Variants in APPBP2 observed in about 807,000 individuals in gnomAD.
APPBP2 encodes amyloid protein-binding protein 2.
Under a neutral mutation model 76.0 loss-of-function variants are expected in APPBP2, and 15 were observed. The ratio of observed to expected loss-of-function variants is 0.20; its 90% CI spans 0.13 to 0.30. The LOEUF (loss-of-function observed/expected upper bound fraction) is 0.30, where lower values mean the gene tolerates loss of function less well. APPBP2 is among the 10% of genes least tolerant of loss of function. The pLI is 1.00. For synonymous variants in APPBP2, 222 were observed against 242.2 expected, an observed-to-expected ratio of 0.92 and a Z score of 0.77; for missense variants, 401 against 687.2, an observed-to-expected ratio of 0.58 and a Z score of 4.66.
chr17:60,457,958 T>C (rs2090443657), intron 9 of APPBP2, among the ~76,000 whole-genome samples: 1 of 151,924 alleles, frequency 6.6e-6, no homozygotes, highest in Non-Finnish European at 1.5e-5. Context: ...CAGTCTCCAT[T>C]TCCCTCCAAC....
At chr17:60,502,041 TTTG>T (rs1305830870) in intron 1 of APPBP2, among the ~76,000 whole-genome samples, 5 of 152,228 alleles carry the variant, frequency 3.3e-5, no homozygotes, top group African/African-American at 7.2e-5. Flanking sequence ...GCAAGAAAGA[TTTG>T]TTATTTTTAT....
chr17:60,490,143 T>C (rs2090715191), intron 3 of APPBP2, among the ~76,000 whole-genome samples: 1 of 152,202 alleles, frequency 6.6e-6, no homozygotes, highest in South Asian at 2.1e-4. Flanking sequence ...TGTACGACTC[T>C]ACATGGAATC....
intron 3 of APPBP2, among the ~76,000 whole-genome samples, chr17:60,493,109 G>A (rs1357149122): frequency 2.0e-5 from 3 of 152,070 alleles, no homozygotes; most frequent in Admixed American, 6.6e-5. Flanking sequence ...TCTCATTCTC[G>A]TCTGCCACCA....
At chr17:60,450,782 AAAG>A (rs2090388713) in intron 12 of APPBP2, among the ~76,000 whole-genome samples, 4 of 147,886 alleles carry the variant, frequency 2.7e-5, no homozygotes, top group African/African-American at 8.0e-5. Context: ...AAAAAAAAAA[AAAG>A]AAAGAAAAAA....
intron 3 of APPBP2, among the ~76,000 whole-genome samples, chr17:60,489,526 A>C (rs2090708661): frequency 6.8e-6 from 1 of 147,210 alleles, no homozygotes; most frequent in Non-Finnish European, 1.5e-5. Context: ...CAGCAGAATC[A>C]CTTCAACCCA....
At chr17:60,519,787 T>TC (rs202128939) in intron 1 of APPBP2, among the ~76,000 whole-genome samples, 2,149 of 147,814 alleles carry the variant, frequency 0.015, 52 homozygotes, top group African/African-American at 0.05. Flanking sequence ...AATTTTTTTT[T>TC]TTTTTTTTTT....
chr17:60,520,478 C>T (rs770414114), intron 1 of APPBP2, among the ~76,000 whole-genome samples: 6 of 150,142 alleles, frequency 4.0e-5, no homozygotes, highest in East Asian at 2.0e-4. Flanking sequence ...GAGGCTGAGG[C>T]GGGAGAATCA....
At chr17:60,506,331 A>G (rs1181268515) in intron 1 of APPBP2, among the ~76,000 whole-genome samples, 4 of 151,976 alleles carry the variant, frequency 2.6e-5, no homozygotes, top group Non-Finnish European at 1.5e-5. Context: ...ATCGTTTACT[A>G]TTGTTTCTCC....
At chr17:60,477,579 G>C (rs1265465734) in intron 4 of APPBP2, 1 of 151,824 alleles carries the variant, frequency 6.6e-6, no homozygotes, top group Admixed American at 6.6e-5. Context: ...TAAATTATAG[G>C]GCTAAATACT....
intron 12 of APPBP2, among the ~76,000 whole-genome samples, chr17:60,450,508 C>T (rs1240014514): frequency 1.3e-5 from 2 of 151,096 alleles, no homozygotes; most frequent in Admixed American, 6.6e-5. Context: ...GTGGCTCATG[C>T]CTATAATCCC....
At chr17:60,510,869 A>G (rs916201485) in intron 1 of APPBP2, among the ~76,000 whole-genome samples, 1 of 152,132 alleles carries the variant, frequency 6.6e-6, no homozygotes, top group Admixed American at 6.6e-5. Context: ...TAAAAGGGCA[A>G]CCCTTTACTA....
In APPBP2 at chr17:60,526,098, G is replaced by A. The variant is rs988687142; in HGVS notation, c.-167C>T. ...CCTGCCTCCTCCGGGGGCAAACTGA[G>A]GGACGGCGGCAGCGGACGCAGGCCC... On this transcript the variant is annotated 5_prime_UTR_variant, in exon 1 of 13. Transcript: ENST00000083182. The A allele has an allele frequency of 4.3e-5, 28 of 645,176 alleles. No homozygotes were observed. The highest frequency in any genetic ancestry group is 6.6e-5 in the Non-Finnish European group (25 of 377,514). 40.0% of individuals were successfully genotyped at this position (645,176 alleles called of 1,614,324 possible).
chr17:60,466,507 G>A (rs1384355701), intron 4 of APPBP2, 48 bp from the exon 5 acceptor site: 1 of 1,564,308 alleles, frequency 6.4e-7, no homozygotes, highest in Admixed American at 1.7e-5. Context: ...TTTCAGCTTG[G>A]TAGACCTGAT....
rs764869072 is a variant in APPBP2, at chr17:60,500,528, ATTC to A, written c.139-44_139-42del. 2.9e-5 allele frequency: 40 copies of A among 1,391,698 alleles called. No individual in the cohort carries two copies. In the Middle Eastern group the frequency reaches 9.0e-4, roughly 31 times the overall value. 86.2% of individuals were successfully genotyped at this position (1,391,698 alleles called of 1,614,324 possible). A position where few individuals can be genotyped will look rare whatever the true frequency, so the allele number is the denominator to read the frequency against. On this transcript the variant is annotated intron_variant, in intron 1 of 12. Transcript: ENST00000083182. ...AATGATTTAAAAATTTTGCAATTTA[ATTC>A]TTCTTTTTACTTTAATCATATTTGA...
intron 1 of APPBP2, among the ~76,000 whole-genome samples, chr17:60,512,475 T>C (rs1041932721): frequency 6.6e-6 from 1 of 152,132 alleles, no homozygotes; most frequent in Non-Finnish European, 1.5e-5. Context: ...ATTATCTTAC[T>C]GCTATAGTTT....
At chr17:60,466,531 TC>T (rs2090512996) in intron 4 of APPBP2, 72 bp from the exon 5 acceptor site, 3 of 1,408,232 alleles carry the variant, frequency 2.1e-6, no homozygotes, top group African/African-American at 1.4e-5. Context: ...CTCTTACCAA[TC>T]ACCTGAATGA....
chr17:60,519,875 C>G (rs1443805653), intron 1 of APPBP2, among the ~76,000 whole-genome samples: 1 of 150,518 alleles, frequency 6.6e-6, no homozygotes, highest in Non-Finnish European at 1.5e-5. Context: ...CCTCAGCCTC[C>G]TGGGCTCAAG....
At chr17:60,506,392 G>A (rs2090868394) in intron 1 of APPBP2, among the ~76,000 whole-genome samples, 1 of 152,064 alleles carries the variant, frequency 6.6e-6, no homozygotes, top group Non-Finnish European at 1.5e-5. Context: ...CATAACTTTT[G>A]CACACATATG....
intron 1 of APPBP2, 94 bp downstream of exon 1, chr17:60,525,700 G>GT: frequency 6.4e-7 from 1 of 1,571,690 alleles, no homozygotes; most frequent in Non-Finnish European, 8.6e-7. Context: ...GCCGGAAGGG[G>GT]TGAGGGGTTA....
Sources: gnomAD v4.1 joint callset for allele counts (sites outside exome capture counted in the v4.1 genomes callset) on GRCh38, gnomAD v4.1.1 for gene constraint, MANE v1.5 for transcripts, NCBI Gene and HGNC (gene_info 2026-07-23, HGNC 2026-07-21) for gene names.